Variants in DGKB observed in about 807,000 individuals in gnomAD.
The protein encoded by DGKB is 90 kDa diacylglycerol kinase.
DGKB carries 67 observed loss-of-function variants against 114.3 expected under a neutral mutation model. The observed-to-expected ratio is 0.59, with a 90% CI of 0.48 to 0.72. The LOEUF is 0.72. Among genes scored for constraint, DGKB ranks in the 30% least tolerant of loss-of-function variants. The pLI, the probability that DGKB is intolerant of heterozygous loss-of-function variation, is 0.00. For missense variants in DGKB, 907 were observed against 975.2 expected, an observed-to-expected ratio of 0.93 and a Z score of 0.93; for synonymous variants, 398 against 323.1, an observed-to-expected ratio of 1.23 and a Z score of -2.49.
chr7:14,628,307 A>ATGTGTGTG (rs139191761), intron 14 of DGKB, among the ~76,000 whole-genome samples: 5 of 150,466 alleles, frequency 3.3e-5, no homozygotes, highest in African/African-American at 9.8e-5. Flanking sequence ...AACACAAGTT[A>ATGTGTGTG]TGTGTGTGTG....
intron 23 of DGKB, among the ~76,000 whole-genome samples, chr7:14,230,302 C>G: frequency 6.6e-6 from 1 of 151,934 alleles, no homozygotes; most frequent in East Asian, 1.9e-4. Context: ...TTGATGAATG[C>G]TTTTTTTGCC....
intron 1 of DGKB, among the ~76,000 whole-genome samples, chr7:14,874,489 A>G (rs1852957633): frequency 6.6e-6 from 1 of 152,040 alleles, no homozygotes; most frequent in South Asian, 2.1e-4. Context: ...TATCTACAAA[A>G]TCTTACGAGA....
chr7:14,510,270 T>C (rs1304125913), intron 20 of DGKB, among the ~76,000 whole-genome samples: 2 of 152,210 alleles, frequency 1.3e-5, no homozygotes, highest in East Asian at 3.9e-4. Flanking sequence ...ACAGGAGATC[T>C]TTCAAAACTG....
At chr7:14,320,502 G>C (rs1433661563) in intron 23 of DGKB, among the ~76,000 whole-genome samples, 2 of 151,732 alleles carry the variant, frequency 1.3e-5, no homozygotes, top group African/African-American at 4.8e-5. Flanking sequence ...ACTCCACAAA[G>C]CATCTTTTCC....
chr7:14,716,628 T>A (rs1312608116), intron 6 of DGKB, among the ~76,000 whole-genome samples: 1 of 152,182 alleles, frequency 6.6e-6, no homozygotes, highest in Non-Finnish European at 1.5e-5. Context: ...AAATAATACA[T>A]GTTAGTAACT....
In DGKB at chr7:14,914,176, C is replaced by T. The variant is rs575537145; in HGVS notation, c.-188+60520G>A. On this transcript the variant is annotated intron_variant, in intron 1 of 4. Transcript: ENST00000437998. ...GAGAAATACCTTGCCAGAGCCTTCT[C>T]TGACCTGGAAAAGCATCAATTAAAA... Among the ~76,000 whole-genome samples the T allele has an allele frequency of 3.0e-4, 45 of 152,294 alleles. No homozygotes were observed. The South Asian group carries it at 9.1e-3, about 31-fold the overall frequency.
At chr7:14,249,460 A>G (rs924178482) in intron 23 of DGKB, among the ~76,000 whole-genome samples, 9 of 152,186 alleles carry the variant, frequency 5.9e-5, no homozygotes, top group Non-Finnish European at 7.3e-5. Context: ...CAGTGAAGCC[A>G]TCAGTTCCTA....
rs375139409 is a variant in DGKB at position 14,477,547 on chromosome 7, C to A, written c.1835+614G>T. On this transcript the variant is annotated intron_variant, in intron 21 of 25. Transcript: ENST00000402815. ...TTTCCTTCTAGAAATGGGGAAGATA[C>A]GGAACCAAGGCTTTCCTGTTTCCCT... 2.6e-5 allele frequency among the ~76,000 whole-genome samples: 4 copies of A among 152,058 alleles called. No individual in the cohort carries two copies. In the South Asian group the frequency reaches 8.3e-4, roughly 32 times the overall value.
intron 23 of DGKB, among the ~76,000 whole-genome samples, chr7:14,293,629 T>C (rs1372382165): frequency 1.3e-5 from 2 of 152,148 alleles, no homozygotes; most frequent in African/African-American, 4.8e-5. Flanking sequence ...CTTCCGGTAA[T>C]TTTTCTGTGT....
At chr7:14,166,175 T>C (rs1784582600) in intron 25 of DGKB, among the ~76,000 whole-genome samples, 1 of 152,240 alleles carries the variant, frequency 6.6e-6, no homozygotes, top group Non-Finnish European at 1.5e-5. Flanking sequence ...GAAAATCTCA[T>C]GTGGTCATCC....
At position 14,368,292 on chromosome 7, in the gene DGKB, T is replaced by A. The variant is rs1817038664; in HGVS notation, c.1836-22901A>T. Among the ~76,000 whole-genome samples, 6 of 152,194 alleles carry A rather than the reference T, an allele frequency of 3.9e-5. No homozygotes were observed. The South Asian group carries it at 1.0e-3, about 26-fold the overall frequency. On this transcript the variant is annotated intron_variant, in intron 21 of 25. Transcript: ENST00000402815. ...GTGTTATACATTCTGTGGGTTTTGA[T>A]AACTGTATAATGACAGGTATTCACC...
rs1451656636 is a variant in DGKB, at chr7:14,147,811, A to T, written c.*1320T>A. On this transcript the variant is annotated 3_prime_UTR_variant, in exon 26 of 26. Coordinates refer to ENST00000402815, the MANE Select transcript of DGKB (RefSeq NM_001350709.2). Reference sequence around the variant, plus strand: ...ATCATAGGCTTAATGAAACACTAAAAGAAAAGTACTGTTCTGTGATTTCTT... The same window carrying T: ...ATCATAGGCTTAATGAAACACTAAATGAAAAGTACTGTTCTGTGATTTCTT... The T allele has an allele frequency of 6.6e-6, 1 of 152,562 alleles. No individual in the cohort carries two copies. The highest frequency in any genetic ancestry group is 6.6e-5 in the Admixed American group (1 of 15,260). 9.5% of individuals were successfully genotyped at this position (152,562 alleles called of 1,614,324 possible). A position where few individuals can be genotyped will look rare whatever the true frequency, so the allele number is the denominator to read the frequency against.
chr7:14,527,938 C>T (rs878954794), intron 20 of DGKB, among the ~76,000 whole-genome samples: 1 of 151,950 alleles, frequency 6.6e-6, no homozygotes, highest in East Asian at 1.9e-4. Context: ...AAAACTTCTG[C>T]TATATGGAAG....
chr7:14,594,417 C>T (rs2128750699), intron 17 of DGKB, among the ~76,000 whole-genome samples: 1 of 152,054 alleles, frequency 6.6e-6, no homozygotes, highest in Admixed American at 6.6e-5. Flanking sequence ...AGAGAATTGA[C>T]AGACAATTCT....
chr7:14,601,416 C>T (rs1374994117), intron 17 of DGKB, among the ~76,000 whole-genome samples: 2 of 152,174 alleles, frequency 1.3e-5, no homozygotes, highest in Non-Finnish European at 2.9e-5. Context: ...TGATGAATAG[C>T]ATTCTAGATT....
chr7:14,180,243 T>G lies in DGKB; in HGVS notation c.2123-2092A>C, dbSNP rs1584286394. ...ATTTCTGCAATGATCTGAAACTGGT[T>G]GATGGGAACCATTCTATAAGAAATG... On this transcript the variant is annotated intron_variant, in intron 23 of 25. Transcript: ENST00000402815. Among the ~76,000 whole-genome samples the G allele has an allele frequency of 2.0e-5, 3 of 152,186 alleles. No homozygotes were observed. The East Asian group carries it at 5.8e-4, about 29-fold the overall frequency.
At chr7:14,678,274 T>C (rs1820227231) in intron 12 of DGKB, among the ~76,000 whole-genome samples, 2 of 152,066 alleles carry the variant, frequency 1.3e-5, no homozygotes, top group African/African-American at 4.8e-5. Flanking sequence ...GATGTTAGAC[T>C]ATGGTGTGAA....
At chr7:14,165,578 T>C (rs1398030460) in intron 25 of DGKB, among the ~76,000 whole-genome samples, 1 of 152,322 alleles carries the variant, frequency 6.6e-6, no homozygotes, top group African/African-American at 2.4e-5. Context: ...AAAATACCTA[T>C]TGTTTCTTGA....
At chr7:14,800,987 C>T (rs76262435) in intron 2 of DGKB, among the ~76,000 whole-genome samples, 2,419 of 152,182 alleles carry the variant, frequency 0.016, 21 homozygotes, top group Non-Finnish European at 0.025. Context: ...ATAAACACCA[C>T]CTAAAACCAT....
Sources: allele counts gnomAD v4.1 joint callset (sites outside exome capture counted in the v4.1 genomes callset), GRCh38; gene constraint gnomAD v4.1.1; transcripts MANE v1.5; gene names NCBI Gene and HGNC (gene_info 2026-07-23, HGNC 2026-07-21).